NRXN3: variants seen among roughly 807,000 people sequenced by gnomAD.
NRXN3 encodes neurexin 3, also known as neurexin III.
Under a neutral mutation model 137.6 loss-of-function variants are expected in NRXN3, and 32 were observed. That is an observed-to-expected ratio of 0.23 (90% CI 0.18 to 0.31). The LOEUF is 0.31. NRXN3 is among the 10% of genes least tolerant of loss of function. The pLI, the probability that NRXN3 is intolerant of heterozygous loss-of-function variation, is 1.00. For missense variants in NRXN3, 1,574 were observed against 2,062.5 expected (o/e 0.76, Z 4.59); for synonymous variants, 798 against 784.5 (o/e 1.02, Z -0.29).
At chr14:79,851,901 C>T (rs2099392268) in intron 20 of NRXN3, among the ~76,000 whole-genome samples, 1 of 152,074 alleles carries the variant, frequency 6.6e-6, no homozygotes, top group Non-Finnish European at 1.5e-5. Context: ...AAACTTTATT[C>T]CTTTCATGAT....
At chr14:79,664,720 C>T (rs17836262) in intron 17 of NRXN3, among the ~76,000 whole-genome samples, 1 of 152,084 alleles carries the variant, frequency 6.6e-6, no homozygotes, top group Admixed American at 6.6e-5. Context: ...TCTTGCCTCT[C>T]ACTTCTCCCA....
At position 79,441,366 on chromosome 14, in the gene NRXN3, C is replaced by CTTTTTTT. The variant is rs869170695; in HGVS notation, c.3263-25830_3263-25824dup. 2.2e-3 allele frequency among the ~76,000 whole-genome samples: 148 copies of CTTTTTTT among 67,256 alleles called. 16 individuals carry two copies. The highest frequency in any genetic ancestry group is 0.02 in the East Asian group (24 of 1,184). 44.1% of individuals were successfully genotyped at this position (67,256 alleles called of 152,430 possible). A position where few individuals can be genotyped will look rare whatever the true frequency, so the allele number is the denominator to read the frequency against. On this transcript the variant is annotated intron_variant, in intron 15 of 20. Coordinates refer to ENST00000335750, the MANE Select transcript of NRXN3 (RefSeq NM_001330195.2). Reference sequence around the variant, plus strand: ...GAATATCCCTGGACAAACAGAAAATCTTTTTTTTTTTTTTTTTTTTTTTTT... The same window carrying CTTTTTTT: ...GAATATCCCTGGACAAACAGAAAATCTTTTTTTTTTTTTTTTTTTTTTTTTTTTTTTT...
intron 17 of NRXN3, among the ~76,000 whole-genome samples, chr14:79,690,347 C>T (rs552324575): frequency 6.6e-5 from 10 of 152,246 alleles, no homozygotes; most frequent in East Asian, 5.8e-4. Context: ...TATATTCTTT[C>T]GCCATGGGCT....
intron 15 of NRXN3, among the ~76,000 whole-genome samples, chr14:79,099,191 A>G (rs2050847060): frequency 1.3e-5 from 2 of 152,192 alleles, no homozygotes; most frequent in African/African-American, 4.8e-5. Context: ...GGTTTTTTAG[A>G]TACATTGTAT....
At chr14:78,570,000 A>G (rs904292764) in intron 4 of NRXN3, among the ~76,000 whole-genome samples, 1 of 152,204 alleles carries the variant, frequency 6.6e-6, no homozygotes, top group Admixed American at 6.5e-5. Flanking sequence ...CCATTTCCAC[A>G]TGTGAAAATT....
chr14:79,430,563 T>G (rs979289730), intron 15 of NRXN3, among the ~76,000 whole-genome samples: 2 of 152,190 alleles, frequency 1.3e-5, no homozygotes, highest in Non-Finnish European at 2.9e-5. Flanking sequence ...TTCTTGAATT[T>G]TCTTCTCTTT....
chr14:78,912,278 G>A (rs1445723288), intron 10 of NRXN3, among the ~76,000 whole-genome samples: 1 of 150,226 alleles, frequency 6.7e-6, no homozygotes, highest in Non-Finnish European at 1.5e-5. Context: ...TAGCCACCAG[G>A]AAGCTTTAAA....
chr14:78,865,329 A>G (rs1445975233), intron 10 of NRXN3, among the ~76,000 whole-genome samples: 2 of 152,236 alleles, frequency 1.3e-5, no homozygotes, highest in African/African-American at 4.8e-5. Context: ...CAGATAATGC[A>G]GTGTTAACAT....
intron 4 of NRXN3, among the ~76,000 whole-genome samples, chr14:78,373,156 G>A (rs1181639663): frequency 2.0e-5 from 3 of 152,324 alleles, no homozygotes; most frequent in East Asian, 1.9e-4. Context: ...ATTGGAGGTC[G>A]AGAATGCCAA....
At chr14:78,768,869 A>G (rs1482825657) in intron 8 of NRXN3, among the ~76,000 whole-genome samples, 1 of 152,186 alleles carries the variant, frequency 6.6e-6, no homozygotes, top group Non-Finnish European at 1.5e-5. Flanking sequence ...ATTTTCATCT[A>G]TTCACCAAAC....
At chr14:78,541,041 A>G (rs1218148620) in intron 4 of NRXN3, among the ~76,000 whole-genome samples, 2 of 151,996 alleles carry the variant, frequency 1.3e-5, no homozygotes, top group Non-Finnish European at 2.9e-5. Flanking sequence ...CTCTCTGGCT[A>G]CCCTTAACAC....
chr14:79,015,591 GAGCAAA>G (rs1240889145), intron 15 of NRXN3, among the ~76,000 whole-genome samples: 2 of 152,116 alleles, frequency 1.3e-5, no homozygotes, highest in African/African-American at 4.8e-5. Context: ...AAAGTAAAGA[GAGCAAA>G]ATCCAGAGAA....
chr14:78,959,993 T>A (rs2099405020), intron 11 of NRXN3, among the ~76,000 whole-genome samples: 1 of 152,356 alleles, frequency 6.6e-6, no homozygotes, highest in South Asian at 2.1e-4. Flanking sequence ...GAGGGTACTA[T>A]AATGTGTCTC....
chr14:79,656,687 C>T (rs375574150), intron 16 of NRXN3, among the ~76,000 whole-genome samples: 2 of 150,524 alleles, frequency 1.3e-5, no homozygotes, highest in East Asian at 3.9e-4. Flanking sequence ...TATCTCTCTG[C>T]GCCCTCTGTT....
At chr14:79,712,540 AAC>A (rs1430535122) in intron 19 of NRXN3, among the ~76,000 whole-genome samples, 1 of 152,230 alleles carries the variant, frequency 6.6e-6, no homozygotes, top group East Asian at 1.9e-4. Context: ...AGTGAAAAAC[AAC>A]AGACTATATT....
chr14:78,742,365 TGC>T (rs1452959843), intron 8 of NRXN3, among the ~76,000 whole-genome samples: 1 of 152,190 alleles, frequency 6.6e-6, no homozygotes, highest in Non-Finnish European at 1.5e-5. Context: ...CCCAATAGCT[TGC>T]ATTAAGCCCT....
At chr14:78,633,180 G>A (rs1321382137) in intron 4 of NRXN3, among the ~76,000 whole-genome samples, 3 of 146,596 alleles carry the variant, frequency 2.0e-5, no homozygotes, top group African/African-American at 5.1e-5. Flanking sequence ...GCATGAACCC[G>A]GGAGGCAGAG....
chr14:78,590,421 G>C (rs746028801), intron 4 of NRXN3, among the ~76,000 whole-genome samples: 10 of 152,104 alleles, frequency 6.6e-5, no homozygotes, highest in Non-Finnish European at 1.5e-4. Flanking sequence ...ATATTCCAGG[G>C]AATACTTTCA....
chr14:78,664,877 T>C (rs935947006), intron 6 of NRXN3, among the ~76,000 whole-genome samples: 3 of 152,240 alleles, frequency 2.0e-5, no homozygotes, highest in Admixed American at 6.5e-5. Context: ...TATTCTTCAA[T>C]AAATTAATAA....
Sources: gnomAD v4.1 joint callset for allele counts (sites outside exome capture counted in the v4.1 genomes callset) on GRCh38, gnomAD v4.1.1 for gene constraint, MANE v1.5 for transcripts, NCBI Gene and HGNC (gene_info 2026-07-23, HGNC 2026-07-21) for gene names.